Variants in HCN1 observed in about 807,000 individuals in gnomAD.
HCN1 encodes the protein potassium/sodium hyperpolarization-activated cyclic nucleotide-gated channel 1.
Under a neutral mutation model 78.9 loss-of-function variants are expected in HCN1, and 13 were observed. That is an observed-to-expected ratio of 0.16 (90% CI 0.11 to 0.26). The LOEUF (loss-of-function observed/expected upper bound fraction) is 0.26, where lower values mean the gene tolerates loss of function less well. HCN1 is among the 10% of genes least tolerant of loss of function. The pLI, the probability that HCN1 is intolerant of heterozygous loss-of-function variation, is 1.00. For missense variants in HCN1, 810 were observed against 1,154.3 expected, an observed-to-expected ratio of 0.70 and a Z score of 4.32; for synonymous variants, 552 against 455.5, an observed-to-expected ratio of 1.21 and a Z score of -2.70.
At chr5:45,352,290 C>A (rs561276750) in intron 5 of HCN1, among the ~76,000 whole-genome samples, 1 of 151,750 alleles carries the variant, frequency 6.6e-6, no homozygotes, top group Admixed American at 6.6e-5. Flanking sequence ...AAATCGAACA[C>A]CGCATGTTCT....
chr5:45,613,992 A>G (rs187489382), intron 2 of HCN1, among the ~76,000 whole-genome samples: 135 of 152,292 alleles, frequency 8.9e-4, no homozygotes, highest in African/African-American at 2.7e-3. Flanking sequence ...TTTTTAAAAC[A>G]TAGCTATTTA....
chr5:45,375,230 T>A (rs1747591744), intron 4 of HCN1, among the ~76,000 whole-genome samples: 1 of 119,672 alleles, frequency 8.4e-6, no homozygotes, highest in South Asian at 2.3e-4. Flanking sequence ...TAATATTTTA[T>A]AATATATAAT....
intron 1 of HCN1, among the ~76,000 whole-genome samples, chr5:45,665,150 G>T (rs1397649525): frequency 6.6e-6 from 1 of 151,996 alleles, no homozygotes; most frequent in African/African-American, 2.4e-5. Context: ...ACTTTGTAGG[G>T]ACATGGATGA....
intron 4 of HCN1, among the ~76,000 whole-genome samples, chr5:45,377,936 G>A (rs1011448228): frequency 1.3e-5 from 2 of 151,802 alleles, no homozygotes; most frequent in African/African-American, 2.4e-5. Context: ...TAAGAAAGGG[G>A]ATCTCCTTAC....
chr5:45,578,259 G>A (rs997586659), intron 2 of HCN1, among the ~76,000 whole-genome samples: 1 of 151,954 alleles, frequency 6.6e-6, no homozygotes, highest in South Asian at 2.1e-4. Flanking sequence ...TCTCAAATGA[G>A]GGTATTAGGG....
At chr5:45,316,738 G>A (rs1039806303) in intron 5 of HCN1, among the ~76,000 whole-genome samples, 3 of 151,990 alleles carry the variant, frequency 2.0e-5, no homozygotes, top group Non-Finnish European at 2.9e-5. Flanking sequence ...AAATCAATGT[G>A]CAAAAATCAC....
rs555453103 is a variant in HCN1, at chr5:45,258,177, G to T, written c.*3744C>A. The T allele has an allele frequency of 6.6e-6, 1 of 152,278 alleles. No individual in the cohort carries two copies. The highest frequency in any genetic ancestry group is 2.1e-4 in the South Asian group (1 of 4,826). 9.4% of individuals were successfully genotyped at this position (152,278 alleles called of 1,614,324 possible). A position where few individuals can be genotyped will look rare whatever the true frequency, so the allele number is the denominator to read the frequency against. ...AAATATAAAAACCTAAGCTGAAAGA[G>T]GAGGTATGGAGATTTTTTAAATAGT... On this transcript the variant is annotated 3_prime_UTR_variant, in exon 8 of 8. Transcript: ENST00000303230.
intron 2 of HCN1, among the ~76,000 whole-genome samples, chr5:45,561,691 G>A (rs149764031): frequency 1.2e-4 from 18 of 152,158 alleles, no homozygotes; most frequent in African/African-American, 3.9e-4. Context: ...ATCTCAGGAT[G>A]GGGGCTGGTC....
At chr5:45,582,130 G>A (rs369357483) in intron 2 of HCN1, among the ~76,000 whole-genome samples, 16 of 152,006 alleles carry the variant, frequency 1.1e-4, no homozygotes, top group East Asian at 3.9e-4. Flanking sequence ...CATTTTCACG[G>A]TATTGATTCT....
intron 6 of HCN1, among the ~76,000 whole-genome samples, chr5:45,276,270 C>T (rs1034260054): frequency 6.6e-6 from 1 of 151,998 alleles, no homozygotes; most frequent in African/African-American, 2.4e-5. Context: ...CATGCATTTC[C>T]TCTATTTGTT....
chr5:45,586,080 A>T (rs1054830699), intron 2 of HCN1, among the ~76,000 whole-genome samples: 1 of 152,208 alleles, frequency 6.6e-6, no homozygotes, highest in South Asian at 2.1e-4. Flanking sequence ...AAGTCTGCAG[A>T]GGTTTCTGCT....
At chr5:45,311,719 TG>T (rs2111917419) in intron 5 of HCN1, among the ~76,000 whole-genome samples, 2 of 152,352 alleles carry the variant, frequency 1.3e-5, no homozygotes, top group East Asian at 3.9e-4. Context: ...TAATATTCTT[TG>T]CATAAGGTTT....
chr5:45,670,288 CA>C (rs1245994028), intron 1 of HCN1, among the ~76,000 whole-genome samples: 1 of 151,686 alleles, frequency 6.6e-6, no homozygotes, highest in Admixed American at 6.6e-5. Context: ...TGGAGCTTTT[CA>C]TTTTTCTTCA....
intron 3 of HCN1, among the ~76,000 whole-genome samples, chr5:45,454,550 A>G (rs2111607690): frequency 6.6e-6 from 1 of 152,142 alleles, no homozygotes; most frequent in South Asian, 2.1e-4. Context: ...ATTTTAAAAA[A>G]TTAATATTAT....
intron 5 of HCN1, among the ~76,000 whole-genome samples, chr5:45,333,266 G>C (rs761223261): frequency 1.3e-5 from 2 of 151,602 alleles, no homozygotes; most frequent in South Asian, 4.1e-4. Flanking sequence ...TCATATGCCC[G>C]TTTGCCATTT....
rs999904498 is a variant in HCN1 at position 45,667,181 on chromosome 5, T to C, written c.426-21573A>G. Among the ~76,000 whole-genome samples, 52 of 151,980 alleles carry C rather than the reference T, an allele frequency of 3.4e-4. 1 individual carries two copies. Among genetic ancestry groups the C allele is most frequent in the African/African-American group, 1.3e-3 (52 of 41,492 alleles). The stretch of plus-strand genomic sequence containing the variant: ...CCACATAGGGACACAGTAAGAATGA[T>C]TGTGGGCATACTTTCAACTATCAGG... On this transcript the variant is annotated intron_variant, in intron 1 of 7. Coordinates refer to ENST00000303230, the MANE Select transcript of HCN1 (RefSeq NM_021072.4).
chr5:45,421,976 A>T (rs1579883096), intron 3 of HCN1, among the ~76,000 whole-genome samples: 1 of 152,214 alleles, frequency 6.6e-6, no homozygotes, highest in Non-Finnish European at 1.5e-5. Flanking sequence ...AAACAGCAAA[A>T]GCAGGAAGGT....
At chr5:45,604,536 G>A (rs903722074) in intron 2 of HCN1, among the ~76,000 whole-genome samples, 1 of 151,712 alleles carries the variant, frequency 6.6e-6, no homozygotes, top group African/African-American at 2.4e-5. Flanking sequence ...ACTGTTCTGT[G>A]GTCTGCTGAT....
At chr5:45,351,302 C>T (rs1158080065) in intron 5 of HCN1, among the ~76,000 whole-genome samples, 1 of 147,030 alleles carries the variant, frequency 6.8e-6, no homozygotes, top group Admixed American at 6.7e-5. Flanking sequence ...ATAAATGGTG[C>T]TGGGAAAAGT....
Sources: allele counts gnomAD v4.1 joint callset (sites outside exome capture counted in the v4.1 genomes callset), GRCh38; gene constraint gnomAD v4.1.1; transcripts MANE v1.5; gene names NCBI Gene and HGNC (gene_info 2026-07-23, HGNC 2026-07-21).